Variants in MKLN1 observed in about 807,000 individuals in gnomAD.
The protein encoded by MKLN1 is muskelin 1.
A neutral mutation model predicts 99.0 loss-of-function variants in MKLN1; 18 were observed. That is an observed-to-expected ratio of 0.18 (90% CI 0.13 to 0.27). The LOEUF (loss-of-function observed/expected upper bound fraction) is 0.27. MKLN1 is among the 10% of genes least tolerant of loss of function. The pLI is 1.00. For missense variants in MKLN1, 621 were observed against 875.9 expected (o/e 0.71, Z 3.67); for synonymous variants, 288 against 293.2 (o/e 0.98, Z 0.18).
intron 1 of MKLN1, among the ~76,000 whole-genome samples, chr7:131,129,042 A>G (rs1026898809): frequency 6.6e-6 from 1 of 152,108 alleles, no homozygotes; most frequent in Non-Finnish European, 1.5e-5. Context: ...ACAAGATCTC[A>G]AAAGAAGAAC....
At chr7:131,329,909 A>G (rs920101190) in intron 1 of MKLN1, among the ~76,000 whole-genome samples, 1 of 152,246 alleles carries the variant, frequency 6.6e-6, no homozygotes, top group East Asian at 1.9e-4. Context: ...ACTTTCATAC[A>G]CTTCCACTTA....
At chr7:131,184,317 C>G (rs1796417750) in intron 2 of MKLN1, among the ~76,000 whole-genome samples, 1 of 152,064 alleles carries the variant, frequency 6.6e-6, no homozygotes, top group Non-Finnish European at 1.5e-5. Flanking sequence ...AATGCTCAAA[C>G]CTAAAATTCT....
chr7:131,376,095 A>AATATCTAGATATATATAT (rs1793638207), intron 2 of MKLN1, among the ~76,000 whole-genome samples: 1 of 108,064 alleles, frequency 9.3e-6, no homozygotes, highest in African/African-American at 3.5e-5. Flanking sequence ...AATTCATGGA[A>AATATCTAGATATATATAT]ATATATATAT....
intron 8 of MKLN1, among the ~76,000 whole-genome samples, chr7:131,419,282 G>A (rs1373330625): frequency 8.3e-6 from 1 of 120,882 alleles, no homozygotes; most frequent in African/African-American, 3.2e-5. Context: ...ACAGAGTCTC[G>A]CTCTGTTGCC....
chr7:131,405,754 T>A (rs1247065531), intron 6 of MKLN1, among the ~76,000 whole-genome samples: 1 of 152,186 alleles, frequency 6.6e-6, no homozygotes, highest in African/African-American at 2.4e-5. Flanking sequence ...GTTAGTGATT[T>A]CTGGCATAAT....
intron 17 of MKLN1, among the ~76,000 whole-genome samples, chr7:131,485,769 T>C (rs1374008661): frequency 6.6e-6 from 1 of 152,050 alleles, no homozygotes; most frequent in South Asian, 2.1e-4. Flanking sequence ...ATAAGTGTTC[T>C]GTACTCTTCA....
intron 12 of MKLN1, among the ~76,000 whole-genome samples, chr7:131,454,015 G>A (rs1248938205): frequency 4.7e-5 from 7 of 150,482 alleles, no homozygotes; most frequent in African/African-American, 1.2e-4. Flanking sequence ...ATGGCCATGA[G>A]GAAGCAGGTG....
intron 1 of MKLN1, among the ~76,000 whole-genome samples, chr7:131,340,561 G>C (rs183302625): frequency 7.8e-4 from 119 of 152,210 alleles, no homozygotes; most frequent in African/African-American, 2.8e-3. Context: ...TTACAGGCGT[G>C]AGCCACCGTG....
At chr7:131,292,829 C>T (rs1798241162) in intron 3 of MKLN1, among the ~76,000 whole-genome samples, 1 of 152,180 alleles carries the variant, frequency 6.6e-6, no homozygotes, top group African/African-American at 2.4e-5. Context: ...TGCACCAAAG[C>T]ATCATCCCAC....
At chr7:131,165,646 T>A (rs1050247698) in intron 2 of MKLN1, among the ~76,000 whole-genome samples, 1 of 152,190 alleles carries the variant, frequency 6.6e-6, no homozygotes, top group African/African-American at 2.4e-5. Flanking sequence ...TAGATTAAGA[T>A]CAAATTGTGG....
chr7:131,452,908 C>CT (rs752828362), intron 12 of MKLN1, among the ~76,000 whole-genome samples: 17 of 152,174 alleles, frequency 1.1e-4, no homozygotes, highest in Non-Finnish European at 2.5e-4. Flanking sequence ...ACAGAGAAGA[C>CT]TTTGAAGCTG....
intron 1 of MKLN1, among the ~76,000 whole-genome samples, chr7:131,345,537 C>T (rs556423157): frequency 7.2e-5 from 11 of 152,166 alleles, no homozygotes; most frequent in Admixed American, 2.0e-4. Context: ...GGTAACATAG[C>T]GAGACCTCTT....
intron 1 of MKLN1, among the ~76,000 whole-genome samples, chr7:131,112,973 T>C (rs1397097253): frequency 2.0e-5 from 3 of 152,248 alleles, no homozygotes; most frequent in African/African-American, 7.2e-5. Flanking sequence ...ACTCTGCCAC[T>C]TTATTCATTA....
At chr7:131,225,245 C>T (rs1255610942) in intron 3 of MKLN1, among the ~76,000 whole-genome samples, 1 of 152,170 alleles carries the variant, frequency 6.6e-6, no homozygotes. Flanking sequence ...CTGGTAAGGC[C>T]TGCTTTCTGA....
intron 2 of MKLN1, among the ~76,000 whole-genome samples, chr7:131,143,517 A>T (rs1010918079): frequency 1.3e-5 from 2 of 151,336 alleles, no homozygotes; most frequent in Non-Finnish European, 2.9e-5. Flanking sequence ...TTCTAAAGTG[A>T]CTTCACATAG....
At chr7:131,450,104 A>AGT (rs1391948093) in intron 12 of MKLN1, among the ~76,000 whole-genome samples, 2 of 152,200 alleles carry the variant, frequency 1.3e-5, no homozygotes, top group Non-Finnish European at 2.9e-5. Flanking sequence ...CTTCACTATG[A>AGT]ACTAGTTTGG....
chr7:131,388,014 A>G (rs1356614380), intron 3 of MKLN1, among the ~76,000 whole-genome samples: 1 of 152,088 alleles, frequency 6.6e-6, no homozygotes, highest in Non-Finnish European at 1.5e-5. Context: ...TAAAAATGCA[A>G]AGATTAGCTG....
At chr7:131,290,425 A>G (rs1798200321) in intron 3 of MKLN1, among the ~76,000 whole-genome samples, 1 of 152,130 alleles carries the variant, frequency 6.6e-6, no homozygotes, top group Non-Finnish European at 1.5e-5. Context: ...TTTTTCACCT[A>G]TCTCTCCCAA....
intron 3 of MKLN1, among the ~76,000 whole-genome samples, chr7:131,240,530 A>G (rs928396287): frequency 2.6e-5 from 4 of 152,226 alleles, no homozygotes; most frequent in African/African-American, 7.2e-5. Context: ...ATAAAAGTAC[A>G]TGGAAATAGG....
Sources: gnomAD v4.1 joint callset for allele counts (sites outside exome capture counted in the v4.1 genomes callset) on GRCh38, gnomAD v4.1.1 for gene constraint, MANE v1.5 for transcripts, NCBI Gene and HGNC (gene_info 2026-07-23, HGNC 2026-07-21) for gene names.